The following EYA2 variants were observed in gnomAD, a reference collection of about 807,000 sequenced individuals.
The protein encoded by EYA2 is protein phosphatase EYA2.
Under a neutral mutation model 69.2 loss-of-function variants are expected in EYA2, and 31 were observed. The ratio of observed to expected loss-of-function variants is 0.45; its 90% confidence interval spans 0.34 to 0.60. The LOEUF is 0.60. Among genes scored for constraint, EYA2 ranks in the 20% least tolerant of loss-of-function variants. The probability of loss-of-function intolerance (pLI) is 0.02; values close to 1 mark genes in which losing one functional copy is unlikely to be tolerated. For synonymous variants in EYA2, 257 were observed against 279.4 expected (o/e 0.92, Z 0.80); for missense variants, 622 against 701.2 (o/e 0.89, Z 1.28).
At chr20:47,035,990 G>A (rs944660132) in intron 5 of EYA2, among the ~76,000 whole-genome samples, 1 of 152,158 alleles carries the variant, frequency 6.6e-6, no homozygotes, top group African/African-American at 2.4e-5. Flanking sequence ...CAGCCTGGGT[G>A]ACAGAGTAAG....
In EYA2 at chr20:47,143,080, A is replaced by G. The variant is rs747299291; in HGVS notation, c.910A>G (p.Ile304Val). ...GCAGGACACCACGACGTCCGTGCGC[A>G]TTGGCCTTATGATGGAAGAGATGAT... ...YGKDTTTSVR[I>V]GLMMEEMIFN... The change falls in exon 10 of 16, where the codon ATT becomes GTT. Residue 304 changes from isoleucine (I) to valine (V), a missense_variant. Physicochemically the swap from Ile to Val is conservative, Grantham distance 29. Transcript: ENST00000327619. 21 of 1,613,822 alleles carry G rather than the reference A, an allele frequency of 1.3e-5. 1 individual carries two copies. In the South Asian group the frequency reaches 2.3e-4, roughly 18 times the overall value.
At chr20:47,183,641 C>T (rs906019893) in intron 15 of EYA2, among the ~76,000 whole-genome samples, 3 of 152,180 alleles carry the variant, frequency 2.0e-5, no homozygotes, top group African/African-American at 7.2e-5. Flanking sequence ...GACAACTGTT[C>T]GGGAGCCTAG....
chr20:47,162,517 C>CTTT (rs10634442), intron 10 of EYA2, among the ~76,000 whole-genome samples: 35,467 of 121,256 alleles, frequency 0.29, 6,080 homozygotes, highest in Non-Finnish European at 0.36. Flanking sequence ...ACACATTATC[C>CTTT]TTTTTTTTTT....
At chr20:46,994,587 G>T (rs547329176) in intron 2 of EYA2, among the ~76,000 whole-genome samples, 1 of 152,264 alleles carries the variant, frequency 6.6e-6, no homozygotes, top group East Asian at 1.9e-4. Flanking sequence ...CCAACCCGGG[G>T]CTGACGGGTT....
chr20:47,108,112 G>C (rs915225329), intron 9 of EYA2, among the ~76,000 whole-genome samples: 2 of 152,202 alleles, frequency 1.3e-5, no homozygotes, highest in Non-Finnish European at 2.9e-5. Context: ...GAAGGACAGA[G>C]TCTGCCCTGG....
intron 10 of EYA2, chr20:47,161,655 C>A (rs1245443769): frequency 1.5e-5 from 3 of 194,100 alleles, no homozygotes; most frequent in Non-Finnish European, 3.2e-5. Flanking sequence ...TCCACAGAAG[C>A]CACCGTGGTT....
intron 5 of EYA2, among the ~76,000 whole-genome samples, chr20:47,063,949 A>G (rs940914124): frequency 3.3e-5 from 5 of 152,132 alleles, no homozygotes; most frequent in African/African-American, 1.2e-4. Context: ...CTGGGCGACT[A>G]ATAGTCAAGG....
At chr20:47,090,849 G>T (rs1417428750) in intron 8 of EYA2, among the ~76,000 whole-genome samples, 1 of 152,120 alleles carries the variant, frequency 6.6e-6, no homozygotes, top group Non-Finnish European at 1.5e-5. Context: ...CTAGGGGAGG[G>T]TACCAGTAGA....
chr20:47,173,524 AAAAAAAAAC>A (rs890451753), intron 12 of EYA2, among the ~76,000 whole-genome samples: 3 of 150,746 alleles, frequency 2.0e-5, no homozygotes, highest in African/African-American at 7.4e-5. Flanking sequence ...AAAAAAAAAA[AAAAAAAAAC>A]GTGCAGGGTC....
intron 1 of EYA2, among the ~76,000 whole-genome samples, chr20:46,915,037 C>T (rs6122536): frequency 0.12 from 17,732 of 152,148 alleles, 1,530 homozygotes; most frequent in East Asian, 0.49. Context: ...GGCCTCTGTC[C>T]GTGTTTCTGC....
At chr20:47,000,530 C>T (rs1046830302) in intron 2 of EYA2, among the ~76,000 whole-genome samples, 1 of 152,180 alleles carries the variant, frequency 6.6e-6, no homozygotes, top group Admixed American at 6.5e-5. Context: ...CATCAGTAGA[C>T]ACATTATCTA....
intron 1 of EYA2, among the ~76,000 whole-genome samples, chr20:46,957,656 T>C (rs889831901): frequency 6.6e-6 from 1 of 151,862 alleles, no homozygotes; most frequent in African/African-American, 2.4e-5. Context: ...CAAATCAAGG[T>C]TTGCTGGTGG....
intron 1 of EYA2, among the ~76,000 whole-genome samples, chr20:46,903,424 A>G (rs6090578): frequency 0.045 from 6,886 of 152,136 alleles, 195 homozygotes; most frequent in Middle Eastern, 0.071. Context: ...GCCGACAGCA[A>G]CTCTCTGCTT....
intron 5 of EYA2, among the ~76,000 whole-genome samples, chr20:47,049,870 C>CCA (rs397701785): frequency 2.6e-5 from 4 of 151,160 alleles, no homozygotes; most frequent in Non-Finnish European, 5.9e-5. Context: ...ACCCCCCCCC[C>CCA]ACCGCCACCA....
intron 5 of EYA2, among the ~76,000 whole-genome samples, chr20:47,038,319 G>T (rs752349872): frequency 1.3e-5 from 2 of 151,968 alleles, no homozygotes; most frequent in Admixed American, 6.6e-5. Context: ...GGGCAACATG[G>T]CAAGACCCCG....
chr20:47,124,466 T>A lies in EYA2; in HGVS notation c.889-18593T>A, dbSNP rs145458151. Among the ~76,000 whole-genome samples, 552 of 152,302 alleles carry A rather than the reference T, an allele frequency of 3.6e-3. 1 individual carries two copies. Among genetic ancestry groups the A allele is most frequent in the Non-Finnish European group, 6.2e-3 (420 of 68,020 alleles). On this transcript the variant is annotated intron_variant, in intron 9 of 15. Coordinates refer to ENST00000327619, the MANE Select transcript of EYA2 (RefSeq NM_005244.5). ...AGGAAGTGTGCTGAAGTGTGACGAC[T>A]ACTAATAATAAGCAGAAAGCACGTG...
intron 9 of EYA2, among the ~76,000 whole-genome samples, chr20:47,120,653 CA>C (rs1266261378): frequency 2.0e-5 from 3 of 152,156 alleles, no homozygotes; most frequent in African/African-American, 7.2e-5. Flanking sequence ...CTTCCTGGAA[CA>C]AGTCAGTTTT....
Position 47,063,642 on chromosome 20 carries a change from C to A in EYA2, c.416-8543C>A, listed in dbSNP as rs577276501. 2.6e-5 allele frequency among the ~76,000 whole-genome samples: 4 copies of A among 152,308 alleles called. No homozygotes were observed. In the South Asian group the frequency reaches 8.3e-4, roughly 32 times the overall value. ...AAGTACCTCTGATTGTGGGCCAAGT[C>A]TTCATTTGCATAGGTTATAACTTTG... On this transcript the variant is annotated intron_variant, in intron 5 of 15. Transcript: ENST00000327619.
intron 1 of EYA2, among the ~76,000 whole-genome samples, chr20:46,935,735 G>A (rs1217995480): frequency 1.3e-5 from 2 of 151,986 alleles, no homozygotes; most frequent in Non-Finnish European, 2.9e-5. Flanking sequence ...CTGGCACGTA[G>A]TAAACTCTCA....
Sources: gnomAD v4.1 joint callset for allele counts (sites outside exome capture counted in the v4.1 genomes callset) on GRCh38, gnomAD v4.1.1 for gene constraint, MANE v1.5 for transcripts, NCBI Gene and HGNC (gene_info 2026-07-23, HGNC 2026-07-21) for gene names.